Variants in PTPRN2 observed in about 807,000 individuals in gnomAD.
The protein encoded by PTPRN2 is protein tyrosine phosphatase receptor type N2.
Under a neutral mutation model 118.8 loss-of-function variants are expected in PTPRN2, and 74 were observed. That is an observed-to-expected ratio of 0.62 (90% CI 0.52 to 0.76). The LOEUF is 0.76. Among genes scored for constraint, PTPRN2 ranks in the 30% least tolerant of loss-of-function variants. The pLI is 0.00. For synonymous variants in PTPRN2, 641 were observed against 608.0 expected (o/e 1.05, Z -0.80); for missense variants, 1,481 against 1,394.4 (o/e 1.06, Z -0.99).
chr7:158,182,263 T>C (rs1031317702), intron 5 of PTPRN2, among the ~76,000 whole-genome samples: 2 of 152,266 alleles, frequency 1.3e-5, no homozygotes, highest in South Asian at 2.1e-4. Flanking sequence ...TATTCCACTG[T>C]GGTCTGAGAA....
intron 12 of PTPRN2, among the ~76,000 whole-genome samples, chr7:157,771,193 T>G (rs1802781884): frequency 6.6e-6 from 1 of 152,216 alleles, no homozygotes; most frequent in Admixed American, 6.5e-5. Context: ...GTGCCAGCTA[T>G]GTAGACAAGC....
chr7:158,262,526 T>C (rs1205488551), intron 3 of PTPRN2, among the ~76,000 whole-genome samples: 2 of 109,114 alleles, frequency 1.8e-5, no homozygotes, highest in Non-Finnish European at 3.7e-5. Context: ...ATTCACACAC[T>C]GCACACATAC....
intron 1 of PTPRN2, among the ~76,000 whole-genome samples, chr7:158,535,510 G>A (rs565494527): frequency 1.2e-4 from 18 of 152,108 alleles, no homozygotes; most frequent in East Asian, 1.9e-4. Flanking sequence ...TGCTTTCTGC[G>A]GCTGGACTAT....
chr7:158,001,613 G>A (rs1021910060), intron 11 of PTPRN2, among the ~76,000 whole-genome samples: 1 of 152,070 alleles, frequency 6.6e-6, no homozygotes, highest in Admixed American at 6.5e-5. Flanking sequence ...GCAGACAGAC[G>A]CAGGCAGTGT....
chr7:158,128,598 C>T (rs1045947131), intron 9 of PTPRN2, among the ~76,000 whole-genome samples: 2 of 152,184 alleles, frequency 1.3e-5, no homozygotes, highest in Non-Finnish European at 2.9e-5. Context: ...CCAGAAAGTG[C>T]GAGGCTGCTG....
intron 12 of PTPRN2, among the ~76,000 whole-genome samples, chr7:157,789,324 G>A (rs1197358205): frequency 6.6e-6 from 1 of 152,194 alleles, no homozygotes; most frequent in African/African-American, 2.4e-5. Flanking sequence ...TAAGCTGCCT[G>A]TTGGGCACGT....
intron 11 of PTPRN2, among the ~76,000 whole-genome samples, chr7:157,920,403 G>A (rs1563239789): frequency 6.6e-6 from 1 of 152,198 alleles, no homozygotes; most frequent in Non-Finnish European, 1.5e-5. Context: ...GCAGTTCACA[G>A]TTTACAAGGA....
At chr7:158,224,851 T>A (rs1828633389) in intron 3 of PTPRN2, among the ~76,000 whole-genome samples, 1 of 152,132 alleles carries the variant, frequency 6.6e-6, no homozygotes, top group Non-Finnish European at 1.5e-5. Context: ...GTATCAGGAA[T>A]ATACACAGAA....
In PTPRN2 at chr7:157,974,199, C is replaced by A. The variant is rs1232595789; in HGVS notation, c.1724-75462G>T. 6.6e-6 allele frequency among the ~76,000 whole-genome samples: 1 copy of A among 152,186 alleles called. No individual in the cohort carries two copies. Among genetic ancestry groups the A allele is most frequent in the Non-Finnish European group, 1.5e-5 (1 of 68,038 alleles). ...ATCATTGTGGAAAGAATGGACAGCA[C>A]CCTGGTTGATGTGCAGAGTGACCCT... On this transcript the variant is annotated intron_variant, in intron 11 of 22. Coordinates refer to ENST00000389418, the MANE Select transcript of PTPRN2 (RefSeq NM_002847.5). This position sits in a 1 kb window ranked among gnomAD's most constrained non-coding sequence, Gnocchi z 4.0.
At chr7:158,581,119 CAG>C (rs1284851434) in intron 1 of PTPRN2, among the ~76,000 whole-genome samples, 1 of 152,160 alleles carries the variant, frequency 6.6e-6, no homozygotes, top group African/African-American at 2.4e-5. Context: ...TCTGTGCAAC[CAG>C]AGAGACATGT....
Position 157,548,990 on chromosome 7 carries a change from G to T in PTPRN2, c.2932C>A (p.Leu978Met). ...GGTCTCTGGTCCCTCAAGTGCTCCA[G>T]GGTCGCTGCGATATCAATCTCTTTA... ...GAKEIDIAATLEHLRDQRPGM... is the reference protein window; with the variant it reads ...GAKEIDIAATMEHLRDQRPGM... The change falls in exon 22 of 23, where the codon CTG (leucine) becomes ATG (methionine). Residue 978 changes from leucine to methionine, a missense_variant. Physicochemically the swap from Leu to Met is conservative, Grantham distance 15. Transcript: ENST00000389418. 1 of 1,614,184 alleles carries T rather than the reference G, an allele frequency of 6.2e-7. No homozygotes were observed. Among genetic ancestry groups the T allele is most frequent in the Non-Finnish European group, 8.5e-7 (1 of 1,180,034 alleles).
chr7:157,563,976 C>A (rs1314862374), intron 21 of PTPRN2, among the ~76,000 whole-genome samples: 1 of 152,262 alleles, frequency 6.6e-6, no homozygotes, highest in Non-Finnish European at 1.5e-5. Context: ...GCTCCATGGC[C>A]CCTCTCGCTT....
chr7:158,451,529 T>C (rs1818096265), intron 2 of PTPRN2, among the ~76,000 whole-genome samples: 1 of 152,196 alleles, frequency 6.6e-6, no homozygotes, highest in Admixed American at 6.5e-5. Flanking sequence ...AGAAATTCGG[T>C]CCAGGTTCAT....
At chr7:157,949,775 C>A (rs1229630415) in intron 11 of PTPRN2, among the ~76,000 whole-genome samples, 1 of 152,208 alleles carries the variant, frequency 6.6e-6, no homozygotes, top group Non-Finnish European at 1.5e-5. Context: ...TATTTGAAAT[C>A]AATAAATGAA....
intron 13 of PTPRN2, among the ~76,000 whole-genome samples, chr7:157,665,653 T>A (rs5013564): frequency 1.3e-5 from 2 of 152,172 alleles, no homozygotes; most frequent in African/African-American, 2.4e-5. Flanking sequence ...AAAAGGACTA[T>A]AAATCATGCT....
In PTPRN2 at chr7:158,546,631, G is replaced by A. The variant is rs1031869387; in HGVS notation, c.112+40927C>T. Among the ~76,000 whole-genome samples, 11 of 152,136 alleles carry A rather than the reference G, an allele frequency of 7.2e-5. No individual in the cohort carries two copies. The highest frequency in any genetic ancestry group is 1.3e-4 in the Admixed American group (2 of 15,282). Reference sequence around the variant, plus strand: ...TGACGTGGGAGGCCACGGGACAGACGCCACCTCTCCCGAGTAGCAGGTGGG... The same window carrying A: ...TGACGTGGGAGGCCACGGGACAGACACCACCTCTCCCGAGTAGCAGGTGGG... On this transcript the variant is annotated intron_variant, in intron 1 of 22. Coordinates refer to ENST00000389418, the MANE Select transcript of PTPRN2 (RefSeq NM_002847.5). This position sits in a 1 kb window ranked among gnomAD's most constrained non-coding sequence, Gnocchi z 5.0.
chr7:158,332,364 C>G (rs199698478), intron 2 of PTPRN2, among the ~76,000 whole-genome samples: 2 of 150,118 alleles, frequency 1.3e-5, no homozygotes, highest in African/African-American at 4.9e-5. Context: ...CCCACACTCT[C>G]ACCATAAGAG....
At chr7:158,299,484 G>A (rs1052260073) in intron 3 of PTPRN2, among the ~76,000 whole-genome samples, 1 of 152,104 alleles carries the variant, frequency 6.6e-6, no homozygotes, top group Admixed American at 6.5e-5. Context: ...TTTTAGTAGA[G>A]ATGGGGTTTC....
intron 2 of PTPRN2, among the ~76,000 whole-genome samples, chr7:158,428,130 A>G (rs1186970769): frequency 6.6e-6 from 1 of 152,268 alleles, no homozygotes; most frequent in Non-Finnish European, 1.5e-5. Flanking sequence ...GATGAAACCA[A>G]CAAGCCAATC....
Sources: allele counts gnomAD v4.1 joint callset (sites outside exome capture counted in the v4.1 genomes callset), GRCh38; gene constraint gnomAD v4.1.1; non-coding constraint Gnocchi (gnomAD v3.1); transcripts MANE v1.5; gene names NCBI Gene and HGNC (gene_info 2026-07-23, HGNC 2026-07-21).